Variants in PCDHGB4 observed in about 807,000 individuals in gnomAD.
PCDHGB4 encodes protocadherin gamma subfamily B, 4, also known as protocadherin gamma-B4.
Under a neutral mutation model 60.5 loss-of-function variants are expected in PCDHGB4, and 38 were observed. That is an observed-to-expected ratio of 0.63 (90% CI 0.48 to 0.82). The LOEUF (loss-of-function observed/expected upper bound fraction) is 0.82, where lower values mean the gene tolerates loss of function less well. Among genes scored for constraint, PCDHGB4 ranks in the 40% least tolerant of loss-of-function variants. The pLI is 0.00. For synonymous variants in PCDHGB4, 456 were observed against 509.7 expected, an observed-to-expected ratio of 0.89 and a Z score of 1.42; for missense variants, 1,109 against 1,209.6, an observed-to-expected ratio of 0.92 and a Z score of 1.23.
rs762908598 is a variant in PCDHGB4 at position 141,491,157 on chromosome 5, T to A, written c.2398-3650T>A. The A allele has an allele frequency of 3.7e-6, 6 of 1,614,108 alleles. No homozygotes were observed. The Admixed American group carries it at 8.3e-5, about 22-fold the overall frequency. On this transcript the variant is annotated intron_variant, in intron 1 of 3. Transcript: ENST00000519479. The surrounding 1 kb of genome is among the most constrained non-coding windows in gnomAD (Gnocchi z 6.9). ...CCCGGGCCTTACTGGAGGATGACTC[T>A]GACACCCAGCAGGTGGTGGTCCTGG...
chr5:141,477,775 G>T lies in PCDHGB4; in HGVS notation c.2398-17032G>T. 2 of 1,614,046 alleles carry T rather than the reference G, an allele frequency of 1.2e-6. No individual in the cohort carries two copies. The highest frequency in any genetic ancestry group is 2.7e-5 in the African/African-American group (2 of 75,052). On this transcript the variant is annotated intron_variant, in intron 1 of 3. Transcript: ENST00000519479. The surrounding 1 kb of genome is among the most constrained non-coding windows in gnomAD (Gnocchi z 4.9). ...CGGTCCTAGCCACCAACATCAGCGT[G>T]AACATATTTGTCACTGATCGCAATG...
chr5:141,407,088 GT>G lies in PCDHGB4; in HGVS notation c.2397+16811del, dbSNP rs571130014. Among the ~76,000 whole-genome samples, 18 of 152,174 alleles carry G rather than the reference GT, an allele frequency of 1.2e-4. No individual in the cohort carries two copies. The East Asian group carries it at 3.5e-3, about 29-fold the overall frequency. On this transcript the variant is annotated intron_variant, in intron 1 of 3. Coordinates refer to ENST00000519479, the MANE Select transcript of PCDHGB4 (RefSeq NM_003736.4). ...GGCATTTCTGTGGAAATGAAGAATT[GT>G]TTTATTTGTTTGTAATTATTTGGGT...
chr5:141,431,163 A>G lies in PCDHGB4; in HGVS notation c.2397+40882A>G. On this transcript the variant is annotated intron_variant, in intron 1 of 3. Transcript: ENST00000519479. This position sits in a 1 kb window ranked among gnomAD's most constrained non-coding sequence, Gnocchi z 4.8. ...AACGACAATGCGCCTTACTTTCGTG[A>G]AAGTGAATTAGAAATAAAAATTAGT... 1 of 1,614,246 alleles carries G rather than the reference A, an allele frequency of 6.2e-7. No individual in the cohort carries two copies. Among genetic ancestry groups the G allele is most frequent in the Non-Finnish European group, 8.5e-7 (1 of 1,180,036 alleles).
At chr5:141,423,089 G>A in intron 1 of PCDHGB4, 1 of 1,614,016 alleles carries the variant, frequency 6.2e-7, no homozygotes, top group Non-Finnish European at 8.5e-7. Flanking sequence ...TTCGCGGTGG[G>A]GGAGCACACG....
At chr5:141,414,155 A>G in intron 1 of PCDHGB4, 1 of 1,601,706 alleles carries the variant, frequency 6.2e-7, no homozygotes, top group Non-Finnish European at 8.5e-7. Context: ...CAAGCAGAAG[A>G]TGGAGGAGCA....
At chr5:141,415,753 T>TG in intron 1 of PCDHGB4, 2 of 1,381,386 alleles carry the variant, frequency 1.4e-6, no homozygotes, top group Non-Finnish European at 1.9e-6. Context: ...TTTTTTTTTT[T>TG]TTTTTTTTTT....
chr5:141,504,763 C>G (rs1057360921), intron 2 of PCDHGB4, among the ~76,000 whole-genome samples: 5 of 152,018 alleles, frequency 3.3e-5, no homozygotes, highest in African/African-American at 1.2e-4. Context: ...AATTTCTTCT[C>G]CCTGCTCCAG....
chr5:141,442,898 TCTC>T (rs1427810429), intron 1 of PCDHGB4, among the ~76,000 whole-genome samples: 14 of 152,222 alleles, frequency 9.2e-5, no homozygotes, highest in Admixed American at 9.2e-4. Context: ...GCTTATCACT[TCTC>T]CTTCAGCACA....
At chr5:141,409,792 C>T in intron 1 of PCDHGB4, 1 of 1,612,068 alleles carries the variant, frequency 6.2e-7, no homozygotes, top group African/African-American at 1.3e-5. Flanking sequence ...CCTTCGCGCT[C>T]ACGCTGCAGG....
At position 141,511,373 on chromosome 5, in the gene PCDHGB4, G is replaced by C. The variant is rs1361376059; in HGVS notation, c.*200G>C. 16 of 1,251,214 alleles carry C rather than the reference G, an allele frequency of 1.3e-5. No homozygotes were observed. Among genetic ancestry groups the C allele is most frequent in the Non-Finnish European group, 1.4e-5 (13 of 925,282 alleles). The allele number at this position is 1,251,214 out of a possible 1,614,324, so 77.5% of individuals were successfully genotyped here. A position where few individuals can be genotyped will look rare whatever the true frequency, so the allele number is the denominator to read the frequency against. ...CCCCCAGGGGGTTGAATATGCAAAAGCAGTTCCGCTGGGAACCCCCATCCA... is the reference window on the plus strand; with the variant it reads ...CCCCCAGGGGGTTGAATATGCAAAACCAGTTCCGCTGGGAACCCCCATCCA... On this transcript the variant is annotated 3_prime_UTR_variant, in exon 4 of 4. Transcript: ENST00000519479.
At chr5:141,479,937 C>G (rs1322238189) in intron 1 of PCDHGB4, among the ~76,000 whole-genome samples, 1 of 152,212 alleles carries the variant, frequency 6.6e-6, no homozygotes, top group African/African-American at 2.4e-5. Context: ...TCATTGCTAT[C>G]AACTCTTGGA....
At chr5:141,410,762 T>C in intron 1 of PCDHGB4, 1 of 1,171,656 alleles carries the variant, frequency 8.5e-7, no homozygotes, top group Non-Finnish European at 1.2e-6. Flanking sequence ...GTTTTTTCAA[T>C]TATAGTTTTC....
intron 1 of PCDHGB4, among the ~76,000 whole-genome samples, chr5:141,452,267 G>C (rs995249228): frequency 1.3e-5 from 2 of 151,882 alleles, no homozygotes; most frequent in Non-Finnish European, 2.9e-5. Context: ...TCATTTTCTT[G>C]AACCCTTTCT....
chr5:141,393,003 G>A (rs1202314944), intron 1 of PCDHGB4: 1 of 1,613,882 alleles, frequency 6.2e-7, no homozygotes, highest in East Asian at 2.2e-5. Flanking sequence ...GAAGCACGGA[G>A]TCCGTATCGT....
intron 3 of PCDHGB4, among the ~76,000 whole-genome samples, chr5:141,505,729 G>A (rs1026403192): frequency 7.9e-5 from 12 of 152,286 alleles, no homozygotes; most frequent in African/African-American, 2.9e-4. Flanking sequence ...AGGGAATAGT[G>A]GTTACAAGTC....
intron 1 of PCDHGB4, chr5:141,412,979 C>A: frequency 1.8e-6 from 1 of 542,930 alleles, no homozygotes; most frequent in Non-Finnish European, 3.2e-6. Flanking sequence ...AAAACGCAGC[C>A]AGAGCTCAAT....
intron 1 of PCDHGB4, among the ~76,000 whole-genome samples, chr5:141,469,882 G>A (rs760102003): frequency 2.6e-5 from 4 of 152,280 alleles, no homozygotes; most frequent in Non-Finnish European, 4.4e-5. Context: ...TGTAATCTCG[G>A]CACTTTGGGA....
At chr5:141,443,137 A>G (rs1202995621) in intron 1 of PCDHGB4, among the ~76,000 whole-genome samples, 1 of 152,174 alleles carries the variant, frequency 6.6e-6, no homozygotes, top group Non-Finnish European at 1.5e-5. Flanking sequence ...GAACACTATC[A>G]TAAGTTATAC....
intron 1 of PCDHGB4, chr5:141,415,561 T>C (rs11575963): frequency 0.067 from 108,836 of 1,614,090 alleles, 4,260 homozygotes; most frequent in Non-Finnish European, 0.077. Context: ...CGATCCTTTG[T>C]CTTTGTTAGA....
Sources: allele counts gnomAD v4.1 joint callset (sites outside exome capture counted in the v4.1 genomes callset), GRCh38; gene constraint gnomAD v4.1.1; non-coding constraint Gnocchi (gnomAD v3.1); transcripts MANE v1.5; gene names NCBI Gene and HGNC (gene_info 2026-07-23, HGNC 2026-07-21).